ARID1A: variants seen among roughly 807,000 people sequenced by gnomAD.
ARID1A encodes AT-rich interaction domain 1A, also known as AT-rich interactive domain-containing protein 1A.
ARID1A carries 20 observed loss-of-function variants against 212.6 expected under a neutral mutation model. The observed-to-expected ratio is 0.09, with a 90% CI of 0.07 to 0.14. The LOEUF (loss-of-function observed/expected upper bound fraction) is 0.14, where lower values mean the gene tolerates loss of function less well. ARID1A is among the 10% of genes least tolerant of loss of function. The pLI, the probability that ARID1A is intolerant of heterozygous loss-of-function variation, is 1.00. For missense variants in ARID1A, 2,587 were observed against 3,059.0 expected (o/e 0.85, Z 3.64); for synonymous variants, 1,376 against 1,222.1 (o/e 1.13, Z -2.63).
In ARID1A at chr1:26,771,369, G is replaced by A. The variant is rs375960217; in HGVS notation, c.3406+43G>A. The A allele has an allele frequency of 6.3e-7, 1 of 1,579,526 alleles. No homozygotes were observed. The highest frequency in any genetic ancestry group is 8.7e-7 in the Non-Finnish European group (1 of 1,150,236). ...GGCCCCACCAAGGCTGAGAGGGCCT[G>A]TTGCCCTGGCCTCTTATTCAGGATA... On this transcript the variant is annotated intron_variant, in intron 12 of 19. Coordinates refer to ENST00000324856, the MANE Select transcript of ARID1A (RefSeq NM_006015.6). The surrounding 1 kb of genome is among the most constrained non-coding windows in gnomAD (Gnocchi z 5.4).
chr1:26,743,208 T>G (rs536690815), intron 4 of ARID1A, among the ~76,000 whole-genome samples: 1 of 152,122 alleles, frequency 6.6e-6, no homozygotes, highest in Non-Finnish European at 1.5e-5. Flanking sequence ...TACCTTAAGC[T>G]CCTCACAATT....
intron 4 of ARID1A, among the ~76,000 whole-genome samples, chr1:26,743,875 G>C (rs766814523): frequency 6.6e-6 from 1 of 151,996 alleles, no homozygotes; most frequent in Non-Finnish European, 1.5e-5. Context: ...TAGAAGGAGA[G>C]AGGGCCCACA....
chr1:26,720,054 C>T (rs1477628593), intron 1 of ARID1A, among the ~76,000 whole-genome samples: 1 of 150,660 alleles, frequency 6.6e-6, no homozygotes, highest in African/African-American at 2.4e-5. Context: ...TGTTTGAGAC[C>T]AGCCTGACCA....
At chr1:26,722,129 T>G (rs780890240) in intron 1 of ARID1A, among the ~76,000 whole-genome samples, 31 of 152,218 alleles carry the variant, frequency 2.0e-4, no homozygotes, top group Admixed American at 7.2e-4. Context: ...AGGCTAGTGC[T>G]TCAGGGGATA....
chr1:26,775,020 G>A lies in ARID1A; in HGVS notation c.4793G>A (p.Arg1598His), dbSNP rs748573855. The A allele has an allele frequency of 2.5e-6, 4 of 1,598,202 alleles. No individual in the cohort carries two copies. The highest frequency in any genetic ancestry group is 1.1e-5 in the South Asian group (1 of 89,438). ...CCCCTGCCCCGGCCAATGGAGAACC[G>A]CACCTCTCCTAGCAAGTCTCCATTC... is the stretch of plus-strand genomic sequence containing the variant. ...PAPLPRPMENRTSPSKSPFLH... is the reference protein window; with the variant it reads ...PAPLPRPMENHTSPSKSPFLH... The change falls in exon 18 of 20, where the codon CGC becomes CAC. Residue 1598 changes from arginine (R) to histidine (H), a missense_variant. By Grantham distance (29) the Arg-to-His change is conservative (BLOSUM62 0). This residue lies in a region of ARID1A where 890 missense variants were observed against 1,098.2 expected (regional missense o/e 0.81). Coordinates refer to ENST00000324856, the MANE Select transcript of ARID1A (RefSeq NM_006015.6).
intron 4 of ARID1A, among the ~76,000 whole-genome samples, chr1:26,742,741 C>T (rs1237213653): frequency 1.3e-5 from 2 of 151,998 alleles, no homozygotes; most frequent in African/African-American, 2.4e-5. Flanking sequence ...GAGGCTGAGG[C>T]GGGTGGATCA....
intron 4 of ARID1A, among the ~76,000 whole-genome samples, chr1:26,748,067 T>C (rs2080853788): frequency 6.6e-6 from 1 of 152,232 alleles, no homozygotes; most frequent in African/African-American, 2.4e-5. Flanking sequence ...TATTTGGATT[T>C]TATATAGACC....
At chr1:26,706,904 C>T (rs763340786) in intron 1 of ARID1A, among the ~76,000 whole-genome samples, 1 of 152,162 alleles carries the variant, frequency 6.6e-6, no homozygotes, top group African/African-American at 2.4e-5. Context: ...TTTTAGTCTC[C>T]AGATTTCTAA....
chr1:26,732,628 T>G (rs199854020), intron 3 of ARID1A, 48 bp from the exon 4 acceptor site: 22 of 1,453,212 alleles, frequency 1.5e-5, no homozygotes, highest in Non-Finnish European at 2.0e-5. Context: ...TAAGCCTGCC[T>G]GGTTTATCAA....
intron 1 of ARID1A, among the ~76,000 whole-genome samples, chr1:26,700,433 A>G (rs1036996927): frequency 6.6e-6 from 1 of 152,212 alleles, no homozygotes. Context: ...AGGACCTGGG[A>G]AGATCTTAGA....
In ARID1A at chr1:26,696,649, T is replaced by C. The variant is rs2080257532; in HGVS notation, c.246T>C (p.Gly82=). 7.7e-7 allele frequency: 1 copy of C among 1,303,514 alleles called. No homozygotes were observed. Among genetic ancestry groups the C allele is most frequent in the Non-Finnish European group, 9.7e-7 (1 of 1,031,368 alleles). 80.7% of individuals were successfully genotyped at this position (1,303,514 alleles called of 1,614,324 possible). The part of the protein sequence containing the change: ...ELQDGAESNG[G]GGGGGAGSGG... ...AGGACGGGGCCGAGAGCAATGGGGG[T>C]GGCGGCGGCGGCGGAGCCGGCAGCG... The change falls in exon 1 of 20, where the codon GGT becomes GGC. Residue 82 remains glycine, a synonymous_variant. Transcript: ENST00000324856.
At chr1:26,761,284 T>C (rs2124058522) in intron 5 of ARID1A, 100 bp from the exon 6 acceptor site, 1 of 1,489,688 alleles carries the variant, frequency 6.7e-7, no homozygotes, top group East Asian at 2.3e-5. Context: ...TGGGAGGTAC[T>C]TGGCCTCTTC....
At chr1:26,747,239 A>ATCT (rs1044101380) in intron 4 of ARID1A, among the ~76,000 whole-genome samples, 1 of 152,124 alleles carries the variant, frequency 6.6e-6, no homozygotes, top group African/African-American at 2.4e-5. Context: ...AAAGTGTTTC[A>ATCT]TCTTCCCTGC....
chr1:26,704,249 G>C (rs1339798225), intron 1 of ARID1A, among the ~76,000 whole-genome samples: 2 of 152,136 alleles, frequency 1.3e-5, no homozygotes, highest in African/African-American at 4.8e-5. Flanking sequence ...TTAAGTTCTT[G>C]GCTAGTTCAG....
At chr1:26,744,840 C>A (rs555080881) in intron 4 of ARID1A, among the ~76,000 whole-genome samples, 1 of 152,024 alleles carries the variant, frequency 6.6e-6, no homozygotes, top group South Asian at 2.1e-4. Flanking sequence ...CCCCCACCCA[C>A]CCCCTCAGAG....
In ARID1A at chr1:26,726,322, T is replaced by TGCC. The variant is rs570877375; in HGVS notation, c.1138-3325_1138-3323dup. 8.1e-4 allele frequency among the ~76,000 whole-genome samples: 123 copies of TGCC among 152,092 alleles called. 2 individuals are homozygous for TGCC. Among genetic ancestry groups the TGCC allele is most frequent in the African/African-American group, 2.9e-3 (120 of 41,492 alleles). ...CGAGTAGCTGGGACTTATAGGCATG[T>TGCC]GCCGCCACACCCAGCTAATTTTTGT... On this transcript the variant is annotated intron_variant, in intron 1 of 19. Transcript: ENST00000324856.
Position 26,780,788 on chromosome 1 carries a change from G to C in ARID1A, c.*32G>C. ...TGGGACACCTCCCCCCCCCGTGTGT[G>C]TGTGCGTGTGTGGAGAACTTAGAAA... On this transcript the variant is annotated 3_prime_UTR_variant, in exon 20 of 20. Transcript: ENST00000324856. The surrounding 1 kb of genome is among the most constrained non-coding windows in gnomAD (Gnocchi z 7.2). 1 of 1,527,264 alleles carries C rather than the reference G, an allele frequency of 6.5e-7. No individual in the cohort carries two copies. The highest frequency in any genetic ancestry group is 8.8e-7 in the Non-Finnish European group (1 of 1,140,768). 94.6% of individuals were successfully genotyped at this position (1,527,264 alleles called of 1,614,324 possible). A position where few individuals can be genotyped will look rare whatever the true frequency, so the allele number is the denominator to read the frequency against.
rs1231998832 is a variant in ARID1A at position 26,731,232 on chromosome 1, C to T, written c.1431C>T (p.His477=). 1 of 1,614,068 alleles carries T rather than the reference C, an allele frequency of 6.2e-7. No homozygotes were observed. The highest frequency in any genetic ancestry group is 1.3e-5 in the African/African-American group (1 of 75,006). Residue 477 remains histidine, a synonymous_variant, in exon 3 of 20, where the codon CAC becomes CAT. Coordinates refer to ENST00000324856, the MANE Select transcript of ARID1A (RefSeq NM_006015.6). ...CATATTACAACCAGCAAAGTCCTCA[C>T]CCTCAGCAGCAGCAGCCACCCTACT... The part of the protein sequence containing the change: ...QTPYYNQQSP[H]PQQQQPPYSQ...
In ARID1A at chr1:26,696,859, A is replaced by G. The variant is rs1043397333; in HGVS notation, c.456A>G (p.Gln152=). 30 of 1,340,154 alleles carry G rather than the reference A, an allele frequency of 2.2e-5. No individual in the cohort carries two copies. In the African/African-American group the frequency reaches 3.3e-4, roughly 15 times the overall value. 83.0% of individuals were successfully genotyped at this position (1,340,154 alleles called of 1,614,324 possible). ...ALPPPAYGFG[Q]PYGRSPSAVA... ...CGCCCCCAGCCTACGGCTTCGGGCA[A>G]CCCTACGGCCGGAGCCCGTCTGCCG... The change falls in exon 1 of 20, where the codon CAA becomes CAG. Residue 152 remains glutamine, a synonymous_variant. Transcript: ENST00000324856.
Sources: gnomAD v4.1 joint callset for allele counts (sites outside exome capture counted in the v4.1 genomes callset) on GRCh38, gnomAD v4.1.1 for gene constraint, gnomAD v4.1.1 regional missense constraint, Gnocchi (gnomAD v3.1) non-coding constraint, MANE v1.5 for transcripts, NCBI Gene and HGNC (gene_info 2026-07-23, HGNC 2026-07-21) for gene names.